ADAMTS20: variants seen among roughly 807,000 people sequenced by gnomAD.
ADAMTS20 encodes ADAM metallopeptidase with thrombospondin type 1 motif 20.
ADAMTS20 carries 225 observed loss-of-function variants against 260.1 expected under a neutral mutation model. The ratio of observed to expected loss-of-function variants is 0.87; its 90% CI spans 0.78 to 0.97. ADAMTS20 has a LOEUF of 0.97. Among genes scored for constraint, ADAMTS20 ranks in the 50% least tolerant of loss-of-function variants. The pLI, the probability that ADAMTS20 is intolerant of heterozygous loss-of-function variation, is 0.00. For missense variants in ADAMTS20, 2,400 were observed against 2,337.7 expected (o/e 1.03, Z -0.55); for synonymous variants, 802 against 769.5 (o/e 1.04, Z -0.70).
intron 4 of ADAMTS20, among the ~76,000 whole-genome samples, chr12:43,500,498 A>G (rs1392256588): frequency 6.6e-6 from 1 of 152,188 alleles, no homozygotes; most frequent in African/African-American, 2.4e-5. Context: ...ACATTTAGAT[A>G]ATTATTCATC....
Position 43,550,917 on chromosome 12 carries a change from C to A in ADAMTS20, c.445G>T (p.Gly149Ter). Residue 149 changes from glycine to a stop codon, truncating the protein, a stop_gained, in exon 2 of 39, where the codon GGA (glycine) becomes TGA (stop). Transcript: ENST00000389420. LOFTEE classifies it high-confidence loss of function. ...GACCCGAGGACACTCACCAGGCCTC[C>A]GCATAAGCTGACGACGGCCTTGTAA... Reference protein sequence around the residue: ...EDYKAVVSLCGGLTGTFKGQN... With the variant: ...EDYKAVVSLC 3 of 1,560,284 alleles carry A rather than the reference C, an allele frequency of 1.9e-6. No homozygotes were observed. The highest frequency in any genetic ancestry group is 1.2e-5 in the South Asian group (1 of 83,970).
intron 29 of ADAMTS20, among the ~76,000 whole-genome samples, chr12:43,387,956 C>G (rs957132724): frequency 6.6e-6 from 1 of 152,180 alleles, no homozygotes; most frequent in Non-Finnish European, 1.5e-5. Flanking sequence ...TGGATCTTAG[C>G]TTGCCGGACT....
rs36106874 is a variant in ADAMTS20 at position 43,538,953 on chromosome 12, CTTTTT to C, written c.454-6763_454-6759del. Among the ~76,000 whole-genome samples the C allele has an allele frequency of 2.6e-5, 3 of 117,546 alleles. 1 individual carries two copies. The highest frequency in any genetic ancestry group is 5.3e-5 in the Non-Finnish European group (3 of 56,616). 77.1% of individuals were successfully genotyped at this position (117,546 alleles called of 152,430 possible). ...ATTCTTTAATTTTTTTATGAACATTCTTTTTTTTTTTTTTTTTGAGATGGAGTCTC... is the reference window on the plus strand; with the variant it reads ...ATTCTTTAATTTTTTTATGAACATTCTTTTTTTTTTTTGAGATGGAGTCTC... On this transcript the variant is annotated intron_variant, in intron 2 of 38. Coordinates refer to ENST00000389420, the MANE Select transcript of ADAMTS20 (RefSeq NM_025003.5).
chr12:43,436,406 G>A (rs1162991740), intron 18 of ADAMTS20, among the ~76,000 whole-genome samples: 3 of 151,760 alleles, frequency 2.0e-5, no homozygotes, highest in African/African-American at 7.3e-5. Flanking sequence ...AACCACATCT[G>A]GAACTTTATA....
Position 43,474,133 on chromosome 12 carries a change from A to G in ADAMTS20, c.1118-5428T>C, listed in dbSNP as rs574001930. Among the ~76,000 whole-genome samples, 3 of 151,006 alleles carry G rather than the reference A, an allele frequency of 2.0e-5. No homozygotes were observed. The South Asian group carries it at 6.3e-4, about 32-fold the overall frequency. On this transcript the variant is annotated intron_variant, in intron 7 of 38. Coordinates refer to ENST00000389420, the MANE Select transcript of ADAMTS20 (RefSeq NM_025003.5). ...AAAAAGAGAGCAGAATCAAATAGAC[A>G]CAATAAAAAATGATAAAGGGGATAT...
At chr12:43,389,988 T>C (rs1021453594) in intron 29 of ADAMTS20, among the ~76,000 whole-genome samples, 1 of 152,224 alleles carries the variant, frequency 6.6e-6, no homozygotes, top group Non-Finnish European at 1.5e-5. Flanking sequence ...TGCTAAAGTT[T>C]ATCACCTGTG....
chr12:43,463,587 G>A (rs1942102930), intron 10 of ADAMTS20, among the ~76,000 whole-genome samples: 1 of 152,012 alleles, frequency 6.6e-6, no homozygotes, highest in African/African-American at 2.4e-5. Context: ...AAATCAGATT[G>A]GAAAGAAATG....
At chr12:43,472,138 T>G (rs1441485024) in intron 7 of ADAMTS20, among the ~76,000 whole-genome samples, 2 of 145,526 alleles carry the variant, frequency 1.4e-5, no homozygotes, top group Non-Finnish European at 3.0e-5. Context: ...GAGAAGTGCT[T>G]AAAGGAGCTG....
chr12:43,396,483 T>C (rs1304666370), intron 29 of ADAMTS20, among the ~76,000 whole-genome samples: 1 of 152,164 alleles, frequency 6.6e-6, no homozygotes, highest in Non-Finnish European at 1.5e-5. Context: ...CAGCTTGCAA[T>C]TGTTAACTTC....
At chr12:43,470,798 G>C (rs1592085918) in intron 7 of ADAMTS20, among the ~76,000 whole-genome samples, 1 of 152,122 alleles carries the variant, frequency 6.6e-6, no homozygotes, top group Admixed American at 6.5e-5. Flanking sequence ...TTATTATTAA[G>C]AACTCTCCTT....
At chr12:43,524,713 A>C (rs1037051373) in intron 3 of ADAMTS20, among the ~76,000 whole-genome samples, 6 of 152,214 alleles carry the variant, frequency 3.9e-5, no homozygotes, top group African/African-American at 1.4e-4. Context: ...GAAATACAAA[A>C]TGCAGTGGAA....
At chr12:43,430,079 T>C (rs550498846) in intron 23 of ADAMTS20, among the ~76,000 whole-genome samples, 1 of 152,128 alleles carries the variant, frequency 6.6e-6, no homozygotes, top group South Asian at 2.1e-4. Context: ...GATATAACCT[T>C]CTTCTTCAGT....
At position 43,441,468 on chromosome 12, in the gene ADAMTS20, A is replaced by C. The variant is rs111828724; in HGVS notation, c.2291-1399T>G. Among the ~76,000 whole-genome samples the C allele has an allele frequency of 4.0e-5, 6 of 148,166 alleles. 1 individual carries two copies. The highest frequency in any genetic ancestry group is 1.2e-4 in the African/African-American group (5 of 40,812). On this transcript the variant is annotated intron_variant, in intron 16 of 38. Coordinates refer to ENST00000389420, the MANE Select transcript of ADAMTS20 (RefSeq NM_025003.5). ...GATAAAAACAATGGATTTAAGTTTA[A>C]GTTGTTGTGATTAATGTCTATGTAA...
intron 28 of ADAMTS20, among the ~76,000 whole-genome samples, chr12:43,421,685 T>C (rs1592060023): frequency 1.3e-5 from 2 of 152,046 alleles, no homozygotes; most frequent in African/African-American, 4.8e-5. Context: ...TTAATTTGTA[T>C]TCATTGTTTA....
At chr12:43,446,152 T>C (rs1941756111) in intron 15 of ADAMTS20, among the ~76,000 whole-genome samples, 1 of 152,092 alleles carries the variant, frequency 6.6e-6, no homozygotes. Flanking sequence ...GTACTATTAA[T>C]AAGAAATGTA....
chr12:43,377,477 C>T lies in ADAMTS20; in HGVS notation c.4883G>A (p.Arg1628Gln), dbSNP rs781368134. The change falls in exon 32 of 39, where the codon CGA becomes CAA. Residue 1628 changes from arginine (R) to glutamine (Q), a missense_variant. Transcript: ENST00000389420. ...IPSTKKHKLHRLRPIVYQECP... is the reference protein window; with the variant it reads ...IPSTKKHKLHQLRPIVYQECP... Reference sequence around the variant, plus strand: ...TTCTTGATAAACTATAGGCCGAAGTCGATGGAGCTTATGTTTCTTAGTAGA... The same window carrying T: ...TTCTTGATAAACTATAGGCCGAAGTTGATGGAGCTTATGTTTCTTAGTAGA... 4.6e-5 allele frequency: 75 copies of T among 1,613,314 alleles called. No homozygotes were observed. The Admixed American group carries it at 9.0e-4, about 19-fold the overall frequency.
intron 11 of ADAMTS20, among the ~76,000 whole-genome samples, chr12:43,459,745 C>T (rs1348476722): frequency 1.3e-5 from 2 of 152,052 alleles, no homozygotes; most frequent in African/African-American, 2.4e-5. Context: ...TAGAAAAAGT[C>T]ATTCAATATA....
Position 43,432,290 on chromosome 12 carries a change from T to C in ADAMTS20, c.3096+14A>G. On this transcript the variant is annotated intron_variant, in intron 21 of 38. Coordinates refer to ENST00000389420, the MANE Select transcript of ADAMTS20 (RefSeq NM_025003.5). ...AATATTTTAATAGTTCCAAGCATCA[T>C]GTGTTTAATGTACCTCGCTCCATTC... 1 of 1,608,766 alleles carries C rather than the reference T, an allele frequency of 6.2e-7. No individual in the cohort carries two copies. The highest frequency in any genetic ancestry group is 8.5e-7 in the Non-Finnish European group (1 of 1,176,958).
chr12:43,390,594 A>G (rs1326975402), intron 29 of ADAMTS20, among the ~76,000 whole-genome samples: 1 of 152,174 alleles, frequency 6.6e-6, no homozygotes, highest in Non-Finnish European at 1.5e-5. Context: ...CTTCCACAAA[A>G]CACTGGAACA....
Sources: allele counts gnomAD v4.1 joint callset (sites outside exome capture counted in the v4.1 genomes callset), GRCh38; gene constraint gnomAD v4.1.1; transcripts MANE v1.5; gene names NCBI Gene and HGNC (gene_info 2026-07-23, HGNC 2026-07-21).